The following MCUB variants were observed in gnomAD, a reference collection of about 807,000 sequenced individuals.
The protein encoded by MCUB is calcium uniporter regulatory subunit MCUb, mitochondrial.
Under a neutral mutation model 41.4 loss-of-function variants are expected in MCUB, and 46 were observed. The ratio of observed to expected loss-of-function variants is 1.11; its 90% CI spans 0.88 to 1.42. The LOEUF (loss-of-function observed/expected upper bound fraction) is 1.42, where lower values mean the gene tolerates loss of function less well. Ranked by LOEUF, MCUB falls within the 40% of genes most tolerant of loss-of-function variation. The pLI, the probability that MCUB is intolerant of heterozygous loss-of-function variation, is 0.00. For synonymous variants in MCUB, 148 were observed against 148.2 expected, an observed-to-expected ratio of 1.00 and a Z score of 0.01; for missense variants, 403 against 404.9, an observed-to-expected ratio of 1.00 and a Z score of 0.04.
chr4:109,646,877 C>T (rs187053361), intron 1 of MCUB, among the ~76,000 whole-genome samples: 4 of 152,284 alleles, frequency 2.6e-5, no homozygotes, highest in Admixed American at 2.6e-4. Flanking sequence ...GAAGCAAACA[C>T]TACTGTTTCT....
chr4:109,610,471 G>A (rs573966077), intron 1 of MCUB, among the ~76,000 whole-genome samples: 1 of 152,052 alleles, frequency 6.6e-6, no homozygotes, highest in African/African-American at 2.4e-5. Context: ...TCTCTAAGAC[G>A]AATATGATGA....
intron 1 of MCUB, among the ~76,000 whole-genome samples, chr4:109,607,284 C>A (rs1464499728): frequency 6.6e-6 from 1 of 152,040 alleles, no homozygotes; most frequent in Admixed American, 6.6e-5. Flanking sequence ...ATGGCACGAT[C>A]TTGGCTCACT....
intron 1 of MCUB, among the ~76,000 whole-genome samples, chr4:109,581,820 C>G (rs1026037528): frequency 3.9e-5 from 6 of 152,152 alleles, no homozygotes; most frequent in Admixed American, 1.3e-4. Flanking sequence ...AAATCAAAAC[C>G]ACAGTGAGAT....
In MCUB at chr4:109,674,096, G is replaced by A. The variant is rs772452100; in HGVS notation, c.452-8486G>A. On this transcript the variant is annotated intron_variant, in intron 4 of 7. Coordinates refer to ENST00000394650, the MANE Select transcript of MCUB (RefSeq NM_017918.5). ...GTTGGTATGGGCTATTCCATGTATC[G>A]GGAATTCTGGGCAAAACCTAAGCCT... The A allele has an allele frequency of 1.3e-4, 194 of 1,458,874 alleles. 1 individual carries two copies. The highest frequency in any genetic ancestry group is 1.2e-3 in the African/African-American group (86 of 71,532). 90.4% of individuals were successfully genotyped at this position (1,458,874 alleles called of 1,614,324 possible).
chr4:109,627,067 T>G (rs1256319173), intron 1 of MCUB, among the ~76,000 whole-genome samples: 1 of 152,228 alleles, frequency 6.6e-6, no homozygotes, highest in Non-Finnish European at 1.5e-5. Context: ...ATATGTTGAA[T>G]TAGTGGATGA....
At chr4:109,601,892 A>T (rs753982784) in intron 1 of MCUB, among the ~76,000 whole-genome samples, 1 of 152,136 alleles carries the variant, frequency 6.6e-6, no homozygotes, top group Non-Finnish European at 1.5e-5. Context: ...ATCTTCACCA[A>T]CGTTTGTTAT....
chr4:109,561,367 C>CT (rs967844830), intron 1 of MCUB, among the ~76,000 whole-genome samples: 5 of 151,938 alleles, frequency 3.3e-5, no homozygotes, highest in African/African-American at 4.8e-5. Context: ...TTATTTTGTT[C>CT]TTTTTTTTCC....
chr4:109,664,556 C>G (rs760448234), intron 4 of MCUB, among the ~76,000 whole-genome samples, 162 bp downstream of exon 4: 1 of 152,028 alleles, frequency 6.6e-6, no homozygotes, highest in Non-Finnish European at 1.5e-5. Context: ...TCCAGAGTAG[C>G]TGGGACTACC....
intron 1 of MCUB, among the ~76,000 whole-genome samples, chr4:109,566,984 G>C (rs1726793402): frequency 6.6e-6 from 1 of 152,038 alleles, no homozygotes; most frequent in African/African-American, 2.4e-5. Context: ...GTCGTGGCAG[G>C]CACCTATAAT....
intron 1 of MCUB, among the ~76,000 whole-genome samples, chr4:109,582,891 C>G (rs894380905): frequency 3.3e-5 from 5 of 151,818 alleles, no homozygotes; most frequent in South Asian, 2.1e-4. Flanking sequence ...TGTGTTACTT[C>G]TGAGGACTTT....
At chr4:109,665,711 A>G (rs1054142703) in intron 4 of MCUB, among the ~76,000 whole-genome samples, 43 of 152,072 alleles carry the variant, frequency 2.8e-4, no homozygotes. Context: ...TTTTTCCCAA[A>G]TATTTTCAAT....
chr4:109,622,764 G>T (rs909078447), intron 1 of MCUB, among the ~76,000 whole-genome samples: 9 of 152,136 alleles, frequency 5.9e-5, no homozygotes, highest in Non-Finnish European at 7.3e-5. Flanking sequence ...CTTTATGATG[G>T]TGTGAAGCAA....
chr4:109,608,547 G>T (rs1190520544), intron 1 of MCUB, among the ~76,000 whole-genome samples: 2 of 152,012 alleles, frequency 1.3e-5, no homozygotes, highest in East Asian at 1.9e-4. Flanking sequence ...GAGTGCAGTG[G>T]TGCAGTCATG....
intron 1 of MCUB, among the ~76,000 whole-genome samples, chr4:109,652,478 G>A (rs533915344): frequency 6.6e-6 from 1 of 152,316 alleles, no homozygotes; most frequent in South Asian, 2.1e-4. Context: ...GAACAGAAAT[G>A]TATTTAGTTC....
intron 1 of MCUB, among the ~76,000 whole-genome samples, chr4:109,600,861 C>A (rs1273122970): frequency 6.6e-6 from 1 of 152,104 alleles, no homozygotes; most frequent in Non-Finnish European, 1.5e-5. Context: ...GTGGCATAAT[C>A]TCAGCTCACT....
In MCUB at chr4:109,636,770, G is replaced by A. The variant is rs190897536; in HGVS notation, c.100-22241G>A. ...GAATCGCTTGAACCTGGGAGGCGGA[G>A]GTTGCAGTGAGCCAAGATCGTGCCA... is the stretch of plus-strand genomic sequence containing the variant. On this transcript the variant is annotated intron_variant, in intron 1 of 7. Transcript: ENST00000394650. 5.9e-5 allele frequency among the ~76,000 whole-genome samples: 9 copies of A among 152,300 alleles called. No homozygotes were observed. The East Asian group carries it at 1.5e-3, about 26-fold the overall frequency.
rs114058979 is a variant in MCUB, at chr4:109,643,170, T to G, written c.100-15841T>G. Among the ~76,000 whole-genome samples, 635 of 152,186 alleles carry G rather than the reference T, an allele frequency of 4.2e-3. 7 individuals are homozygous for G. Among genetic ancestry groups the G allele is most frequent in the African/African-American group, 0.015 (619 of 41,518 alleles). On this transcript the variant is annotated intron_variant, in intron 1 of 7. Transcript: ENST00000394650. ...CAAGAGAAAAAATATTATTCAAACT[T>G]GACTGAGTAGGTGAGACTTATTTTC...
At position 109,682,910 on chromosome 4, in the gene MCUB, G is replaced by T. The variant is rs918516886; in HGVS notation, c.612+168G>T. ...TTTATCTTCCTCATTTTTCAGATGA[G>T]GAAACTGAGCAACAGAGCTGTATCG... On this transcript the variant is annotated intron_variant, in intron 5 of 7. Coordinates refer to ENST00000394650, the MANE Select transcript of MCUB (RefSeq NM_017918.5). The T allele has an allele frequency of 1.2e-5, 7 of 560,652 alleles. No homozygotes were observed. In the Admixed American group the frequency reaches 2.3e-4, roughly 18 times the overall value. 34.7% of individuals were successfully genotyped at this position (560,652 alleles called of 1,614,324 possible). A position where few individuals can be genotyped will look rare whatever the true frequency, so the allele number is the denominator to read the frequency against.
intron 4 of MCUB, among the ~76,000 whole-genome samples, chr4:109,671,672 C>T (rs1729462436): frequency 1.3e-5 from 2 of 152,162 alleles, no homozygotes; most frequent in Non-Finnish European, 2.9e-5. Flanking sequence ...AGTTGCTTTA[C>T]TATCCTACTC....
Sources: allele counts gnomAD v4.1 joint callset (sites outside exome capture counted in the v4.1 genomes callset), GRCh38; gene constraint gnomAD v4.1.1; transcripts MANE v1.5; gene names NCBI Gene and HGNC (gene_info 2026-07-23, HGNC 2026-07-21).